TXLNB: variants seen among roughly 807,000 people sequenced by gnomAD.
The protein encoded by TXLNB is taxilin beta.
In TXLNB, 37 loss-of-function variants were observed where a neutral mutation model predicts 57.4. The ratio of observed to expected loss-of-function variants is 0.64; its 90% CI spans 0.50 to 0.85. The LOEUF (loss-of-function observed/expected upper bound fraction) is 0.85, where lower values mean the gene tolerates loss of function less well. Ranked by LOEUF, TXLNB falls within the 40% of genes least tolerant of loss-of-function variation. TXLNB has a pLI of 0.00. For missense variants in TXLNB, 848 were observed against 825.6 expected (o/e 1.03, Z -0.33); for synonymous variants, 302 against 309.6 (o/e 0.98, Z 0.26).
At position 139,262,584 on chromosome 6, in the gene TXLNB, C is replaced by CT; in HGVS notation, c.876dup (p.Glu293ArgfsTer9). On this transcript the variant is annotated frameshift_variant, in exon 5 of 10. Transcript: ENST00000358430. LOFTEE classifies it high-confidence loss of function. ...TTGTTTGATGTGGTTCTCACCTCCT[C>CT]TCTGAGCTCATACTGATCGATGATG... The CT allele has an allele frequency of 6.2e-7, 1 of 1,612,994 alleles. No homozygotes were observed. Among genetic ancestry groups the CT allele is most frequent in the Non-Finnish European group, 8.5e-7 (1 of 1,179,444 alleles).
the TXLNB span, among the ~76,000 whole-genome samples, chr6:139,213,973 G>A: frequency 1.3e-5 from 2 of 152,316 alleles, no homozygotes; most frequent in Middle Eastern, 3.4e-3. Context: ...CTCTGAAATT[G>A]AGGCAATAAT....
chr6:139,194,276 A>G, the TXLNB span, among the ~76,000 whole-genome samples: 2 of 152,212 alleles, frequency 1.3e-5, no homozygotes, highest in African/African-American at 4.8e-5. Context: ...AGCATGTCAC[A>G]TGGCCAAGAC....
chr6:139,313,965 A>G, the TXLNB span, among the ~76,000 whole-genome samples: 1,270 of 152,300 alleles, frequency 8.3e-3, 16 homozygotes, highest in African/African-American at 0.028. Context: ...GACCAGCATT[A>G]ACATGAAAAC....
chr6:139,180,829 CTT>C, the TXLNB span: 1 of 152,524 alleles, frequency 6.6e-6, no homozygotes, highest in Non-Finnish European at 1.5e-5. Flanking sequence ...TAGTTTGTCA[CTT>C]TATTTTTCAT....
At chr6:139,243,337 C>T (rs573283914) in intron 9 of TXLNB, 23 bp from the exon 10 acceptor site, 1 of 1,581,448 alleles carries the variant, frequency 6.3e-7, no homozygotes, top group South Asian at 1.1e-5. Flanking sequence ...AACACACGCA[C>T]ATACACACAC....
chr6:139,160,854 T>C, the TXLNB span, among the ~76,000 whole-genome samples: 2 of 152,258 alleles, frequency 1.3e-5, no homozygotes, highest in African/African-American at 4.8e-5. Flanking sequence ...AACATTTTTA[T>C]GAAACTTTAC....
intron 6 of TXLNB, among the ~76,000 whole-genome samples, chr6:139,258,720 C>G (rs138532457): frequency 1.2e-3 from 188 of 152,204 alleles, no homozygotes; most frequent in Non-Finnish European, 2.2e-3. Flanking sequence ...CATGTTTTAC[C>G]TCTCTCTCAC....
At chr6:139,266,500 G>T (rs1007074550) in intron 4 of TXLNB, among the ~76,000 whole-genome samples, 5 of 152,092 alleles carry the variant, frequency 3.3e-5, no homozygotes, top group African/African-American at 1.2e-4. Context: ...AGAGAGAAAA[G>T]AATCACTGAA....
chr6:139,243,967 G>A (rs528883548), intron 9 of TXLNB, among the ~76,000 whole-genome samples: 103 of 152,024 alleles, frequency 6.8e-4, no homozygotes, highest in African/African-American at 2.4e-3. Flanking sequence ...TCACCTCTGA[G>A]CTACTCTGTC....
At chr6:139,238,899 G>T (rs1419774523), downstream of TXLNB, among the ~76,000 whole-genome samples, 1 of 152,152 alleles carries the variant, frequency 6.6e-6, no homozygotes, top group Non-Finnish European at 1.5e-5. Flanking sequence ...GGTTAGAGGA[G>T]AATGGGCCAG....
chr6:139,278,281 A>G (rs1043511449), intron 2 of TXLNB, among the ~76,000 whole-genome samples: 4 of 152,224 alleles, frequency 2.6e-5, no homozygotes, highest in Non-Finnish European at 5.9e-5. Context: ...TTCTGATGCT[A>G]GAGAGACCTA....
intron 5 of TXLNB, among the ~76,000 whole-genome samples, chr6:139,262,037 G>A (rs1386789196): frequency 1.3e-5 from 2 of 151,166 alleles, no homozygotes; most frequent in African/African-American, 4.9e-5. Flanking sequence ...TCGAGTAGCT[G>A]GGATTACAGG....
rs1359653814 is a variant in TXLNB at position 139,242,563 on chromosome 6, C to T, written c.2018G>A (p.Arg673His). The stretch of plus-strand genomic sequence containing the variant: ...TTCCAGATTGGTGTCAGCCACGTTG[C>T]GCGGCTGGGGCCCAGCTGAGGCCCC... ...PVGASAGPQP[R>H]NVADTNLEGV... Residue 673 changes from arginine to histidine, a missense_variant, in exon 10 of 10, where the codon CGC becomes CAC. Transcript: ENST00000358430. 3 of 1,515,408 alleles carry T rather than the reference C, an allele frequency of 2.0e-6. No homozygotes were observed. Among genetic ancestry groups the T allele is most frequent in the Admixed American group, 4.6e-5 (2 of 43,870 alleles). 93.9% of individuals were successfully genotyped at this position (1,515,408 alleles called of 1,614,324 possible). A position where few individuals can be genotyped will look rare whatever the true frequency, so the allele number is the denominator to read the frequency against.
chr6:139,226,254 C>T, the TXLNB span, among the ~76,000 whole-genome samples: 5 of 142,652 alleles, frequency 3.5e-5, no homozygotes, highest in African/African-American at 1.3e-4. Flanking sequence ...GCTGAGATTG[C>T]TCCACGCCAC....
intron 4 of TXLNB, among the ~76,000 whole-genome samples, chr6:139,266,502 A>ATCT (rs778226578): frequency 1.1e-4 from 16 of 152,204 alleles, no homozygotes; most frequent in Non-Finnish European, 1.9e-4. Flanking sequence ...AGAGAAAAGA[A>ATCT]TCACTGAATG....
intron 6 of TXLNB, among the ~76,000 whole-genome samples, chr6:139,259,601 C>T (rs1405812588): frequency 6.6e-6 from 1 of 152,170 alleles, no homozygotes; most frequent in Non-Finnish European, 1.5e-5. Context: ...GGCCCCTTCT[C>T]AGTTTCTCCT....
chr6:139,260,897 T>C (rs915909658), intron 5 of TXLNB, among the ~76,000 whole-genome samples: 52 of 152,344 alleles, frequency 3.4e-4, no homozygotes, highest in African/African-American at 1.2e-3. Flanking sequence ...CTCTGCATTC[T>C]TGCCTCTGGC....
the TXLNB span, among the ~76,000 whole-genome samples, chr6:139,193,787 G>A: frequency 6.8e-6 from 1 of 148,056 alleles, no homozygotes; most frequent in African/African-American, 2.5e-5. Context: ...CTGAGTAGCT[G>A]GGATTACAGG....
the TXLNB span, among the ~76,000 whole-genome samples, chr6:139,214,583 C>G: frequency 2.4e-3 from 370 of 152,302 alleles, 7 homozygotes; most frequent in Admixed American, 0.02. Context: ...CAGGGATGCC[C>G]TCTCTCACCA....
Sources: allele counts gnomAD v4.1 joint callset (sites outside exome capture counted in the v4.1 genomes callset), GRCh38; gene constraint gnomAD v4.1.1; transcripts MANE v1.5; gene names NCBI Gene and HGNC (gene_info 2026-07-23, HGNC 2026-07-21).